Variants in SLC30A8 observed in about 807,000 individuals in gnomAD.
The protein encoded by SLC30A8 is solute carrier family 30 member 8, also known as proton-coupled zinc antiporter SLC30A8.
A neutral mutation model predicts 36.9 loss-of-function variants in SLC30A8; 27 were observed. The ratio of observed to expected loss-of-function variants is 0.73; its 90% confidence interval spans 0.54 to 1.01. The LOEUF is 1.01. Ranked by LOEUF, SLC30A8 falls within the 50% of genes least tolerant of loss-of-function variation. SLC30A8 has a pLI of 0.00. For synonymous variants in SLC30A8, 164 were observed against 172.4 expected, an observed-to-expected ratio of 0.95 and a Z score of 0.38; for missense variants, 439 against 452.0, an observed-to-expected ratio of 0.97 and a Z score of 0.26.
chr8:117,143,347 T>C (rs1157985845), intron 1 of SLC30A8, among the ~76,000 whole-genome samples: 1 of 152,166 alleles, frequency 6.6e-6, no homozygotes, highest in Non-Finnish European at 1.5e-5. Flanking sequence ...TTCTTTGGCC[T>C]ATTATTCCTA....
intron 1 of SLC30A8, among the ~76,000 whole-genome samples, chr8:116,990,148 G>T (rs1815581933): frequency 6.6e-6 from 1 of 152,006 alleles, no homozygotes; most frequent in African/African-American, 2.4e-5. Context: ...GCTATATACT[G>T]GTTTAATGTT....
At chr8:117,103,897 A>T (rs1485642565) in intron 2 of SLC30A8, among the ~76,000 whole-genome samples, 1 of 152,166 alleles carries the variant, frequency 6.6e-6, no homozygotes, top group African/African-American at 2.4e-5. Context: ...TACGGCTTTT[A>T]GTTGTATAAC....
chr8:117,054,971 T>C (rs1420579458), intron 2 of SLC30A8, among the ~76,000 whole-genome samples: 1 of 152,202 alleles, frequency 6.6e-6, no homozygotes, highest in African/African-American at 2.4e-5. Flanking sequence ...AGGGCAGACC[T>C]TGGTCTCCAG....
At chr8:117,055,135 G>A (rs929455950) in intron 2 of SLC30A8, among the ~76,000 whole-genome samples, 1 of 152,158 alleles carries the variant, frequency 6.6e-6, no homozygotes, top group African/African-American at 2.4e-5. Context: ...AAAGTGCGGG[G>A]TTACCAGTCC....
intron 1 of SLC30A8, among the ~76,000 whole-genome samples, chr8:117,026,210 T>C (rs1158904967): frequency 6.6e-6 from 1 of 152,236 alleles, no homozygotes; most frequent in Non-Finnish European, 1.5e-5. Flanking sequence ...ATTAGTGACA[T>C]GTCAACATTT....
At chr8:117,053,137 T>G (rs947544331) in intron 2 of SLC30A8, among the ~76,000 whole-genome samples, 1 of 152,118 alleles carries the variant, frequency 6.6e-6, no homozygotes, top group Non-Finnish European at 1.5e-5. Flanking sequence ...ATGGTCTCGA[T>G]CTCCTGGCCT....
chr8:117,127,795 G>A (rs1387197749), intron 2 of SLC30A8, among the ~76,000 whole-genome samples: 1 of 151,962 alleles, frequency 6.6e-6, no homozygotes, highest in African/African-American at 2.4e-5. Context: ...TAACTGGCCT[G>A]GAGGTATTTA....
Position 117,035,359 on chromosome 8 carries a change from C to G in SLC30A8, c.-265-3860C>G, listed in dbSNP as rs575210931. On this transcript the variant is annotated intron_variant, in intron 1 of 10. Coordinates refer to the SLC30A8 transcript ENST00000427715. Reference sequence around the variant, plus strand: ...TTGGTCAAAACAAAGGGGCTGTAGGCCCCATGCAAGTCTGAAACCCAGCAG... The same window carrying G: ...TTGGTCAAAACAAAGGGGCTGTAGGGCCCATGCAAGTCTGAAACCCAGCAG... Among the ~76,000 whole-genome samples, 75 of 152,340 alleles carry G rather than the reference C, an allele frequency of 4.9e-4. No homozygotes were observed. The South Asian group carries it at 0.015, about 31-fold the overall frequency.
intron 4 of SLC30A8, among the ~76,000 whole-genome samples, chr8:117,160,403 TTGTGTGTGTGTGTGTGTG>T (rs71569723): frequency 2.1e-5 from 3 of 145,810 alleles, no homozygotes; most frequent in African/African-American, 7.7e-5. Context: ...AATTTTCCAC[TTGTGTGTGTGTGTGTGTG>T]TGTGTGTGTG....
intron 1 of SLC30A8, among the ~76,000 whole-genome samples, chr8:116,994,940 G>C (rs570435013): frequency 1.3e-5 from 2 of 152,040 alleles, no homozygotes; most frequent in African/African-American, 2.4e-5. Context: ...ATGTAATCAG[G>C]ATAATAATGT....
At chr8:117,131,513 G>T (rs1406213162), upstream of SLC30A8, among the ~76,000 whole-genome samples, 1 of 151,976 alleles carries the variant, frequency 6.6e-6, no homozygotes, top group African/African-American at 2.4e-5. Flanking sequence ...TACTGGTGAG[G>T]GGGTAGAATG....
intron 2 of SLC30A8, among the ~76,000 whole-genome samples, chr8:117,052,444 A>T (rs928348027): frequency 6.6e-6 from 1 of 152,262 alleles, no homozygotes; most frequent in African/African-American, 2.4e-5. Flanking sequence ...AGGCCTGGGA[A>T]TGAACTATGT....
At chr8:117,144,351 TAAAA>T (rs1348691306) in intron 1 of SLC30A8, among the ~76,000 whole-genome samples, 1 of 152,174 alleles carries the variant, frequency 6.6e-6, no homozygotes, top group Non-Finnish European at 1.5e-5. Context: ...ACATAACTGA[TAAAA>T]AACCAATGTT....
chr8:117,119,547 C>G (rs1820598589), intron 2 of SLC30A8, among the ~76,000 whole-genome samples: 1 of 151,902 alleles, frequency 6.6e-6, no homozygotes, highest in Non-Finnish European at 1.5e-5. Context: ...CCTTCAGTCA[C>G]TCTTCTTTTG....
intron 2 of SLC30A8, among the ~76,000 whole-genome samples, chr8:117,064,434 T>A (rs1818108498): frequency 2.0e-5 from 3 of 152,184 alleles, no homozygotes; most frequent in Admixed American, 6.5e-5. Flanking sequence ...ACCAGGAGGA[T>A]GTCTCAGGGA....
intron 1 of SLC30A8, among the ~76,000 whole-genome samples, chr8:117,002,471 C>T: frequency 6.6e-6 from 1 of 152,142 alleles, no homozygotes; most frequent in East Asian, 1.9e-4. Context: ...GGAATTCTCA[C>T]CCCACCATAA....
chr8:116,982,156 T>A (rs1815290086), intron 1 of SLC30A8, among the ~76,000 whole-genome samples: 1 of 152,202 alleles, frequency 6.6e-6, no homozygotes, highest in African/African-American at 2.4e-5. Context: ...GATTTGTATT[T>A]CTCTAATGGT....
chr8:117,127,119 G>A (rs926407136), intron 2 of SLC30A8, among the ~76,000 whole-genome samples: 2 of 151,996 alleles, frequency 1.3e-5, no homozygotes, highest in African/African-American at 4.8e-5. Context: ...TTTTGTTTAT[G>A]AGATTATCCA....
At chr8:117,095,128 G>A (rs762769658) in intron 2 of SLC30A8, among the ~76,000 whole-genome samples, 16 of 152,162 alleles carry the variant, frequency 1.1e-4, no homozygotes, top group Non-Finnish European at 1.6e-4. Flanking sequence ...CTGCAGCTGC[G>A]CCAGGGAGGG....
Sources: gnomAD v4.1 joint callset for allele counts (sites outside exome capture counted in the v4.1 genomes callset) on GRCh38, gnomAD v4.1.1 for gene constraint, MANE v1.5 for transcripts, NCBI Gene and HGNC (gene_info 2026-07-23, HGNC 2026-07-21) for gene names.